Variants in MYCBP2 observed in about 807,000 individuals in gnomAD.
The protein encoded by MYCBP2 is E3 ubiquitin-protein ligase MYCBP2.
A neutral mutation model predicts 525.3 loss-of-function variants in MYCBP2; 120 were observed. The observed-to-expected ratio is 0.23, with a 90% CI of 0.20 to 0.27. MYCBP2 has a LOEUF of 0.27. Among genes scored for constraint, MYCBP2 ranks in the 10% least tolerant of loss-of-function variants. The probability of loss-of-function intolerance (pLI) is 1.00; values close to 1 mark genes in which losing one functional copy is unlikely to be tolerated. For synonymous variants in MYCBP2, 1,894 were observed against 1,955.8 expected, an observed-to-expected ratio of 0.97 and a Z score of 0.83; for missense variants, 4,149 against 5,657.1, an observed-to-expected ratio of 0.73 and a Z score of 8.55.
At chr13:77,068,425 T>C (rs2040560528) in intron 70 of MYCBP2, 140 bp downstream of exon 70, 2 of 920,834 alleles carry the variant, frequency 2.2e-6, no homozygotes, top group Non-Finnish European at 3.1e-6. Flanking sequence ...GGGAGTAAAA[T>C]ACAGGCCCCA....
chr13:77,130,655 T>C (rs1470611441), intron 52 of MYCBP2, among the ~76,000 whole-genome samples: 1 of 152,174 alleles, frequency 6.6e-6, no homozygotes, highest in African/African-American at 2.4e-5. Flanking sequence ...TGAAGTGCTA[T>C]GTTTTAGGGG....
At chr13:77,249,602 T>C (rs1246284662) in intron 15 of MYCBP2, among the ~76,000 whole-genome samples, 1 of 152,162 alleles carries the variant, frequency 6.6e-6, no homozygotes, top group Non-Finnish European at 1.5e-5. Flanking sequence ...GCTATGCTGC[T>C]GAAGCTGGTT....
chr13:77,161,993 A>C, intron 43 of MYCBP2, 38 bp from the exon 44 acceptor site: 2 of 1,387,122 alleles, frequency 1.4e-6, no homozygotes, highest in African/African-American at 2.9e-5. Context: ...AAATATGTCA[A>C]TATTTAGTTT....
chr13:77,174,249 T>C, intron 37 of MYCBP2, 62 bp downstream of exon 37: 4 of 1,526,306 alleles, frequency 2.6e-6, no homozygotes, highest in Non-Finnish European at 2.7e-6. Flanking sequence ...TTTTACCTGG[T>C]AGTAGACTGT....
chr13:77,105,595 T>C (rs2047726760), intron 55 of MYCBP2, among the ~76,000 whole-genome samples: 1 of 152,012 alleles, frequency 6.6e-6, no homozygotes, highest in Admixed American at 6.6e-5. Flanking sequence ...ATCTATGAGA[T>C]ACATTGATAT....
chr13:77,206,011 A>G (rs538043365), intron 24 of MYCBP2, among the ~76,000 whole-genome samples: 1 of 152,318 alleles, frequency 6.6e-6, no homozygotes, highest in African/African-American at 2.4e-5. Flanking sequence ...AGAAAAAAGA[A>G]ACAAAGAGTT....
intron 2 of MYCBP2, among the ~76,000 whole-genome samples, chr13:77,290,440 T>C (rs1276113083): frequency 6.6e-6 from 1 of 152,190 alleles, no homozygotes; most frequent in Non-Finnish European, 1.5e-5. Flanking sequence ...TCTTTTAAAA[T>C]AGTCAAAAGC....
chr13:77,265,700 C>T (rs1481669200), intron 8 of MYCBP2, among the ~76,000 whole-genome samples: 1 of 152,126 alleles, frequency 6.6e-6, no homozygotes, highest in African/African-American at 2.4e-5. Context: ...AGAGCTATTC[C>T]TACCCACGAA....
At chr13:77,278,690 G>A in intron 4 of MYCBP2, 68 bp downstream of exon 4, 3 of 1,258,906 alleles carry the variant, frequency 2.4e-6, no homozygotes, top group Admixed American at 6.8e-5. Context: ...CAATTTTGAA[G>A]TGTACAATAC....
chr13:77,059,382 T>TA, intron 77 of MYCBP2, 141 bp downstream of exon 77: 1 of 608,606 alleles, frequency 1.6e-6, no homozygotes, highest in Non-Finnish European at 2.9e-6. Flanking sequence ...TCAACTTTGG[T>TA]AAGGCATTTG....
chr13:77,176,647 A>C lies in MYCBP2; in HGVS notation c.5341-19T>G. On this transcript the variant is annotated intron_variant, in intron 35 of 82. Coordinates refer to ENST00000544440, the MANE Select transcript of MYCBP2 (RefSeq NM_015057.5). Reference sequence around the variant, plus strand: ...GTTCACTCTAAAAAAAAAAAATGAAACACAAAAATTCCAACAGACTCTTAA... The same window carrying C: ...GTTCACTCTAAAAAAAAAAAATGAACCACAAAAATTCCAACAGACTCTTAA... The C allele has an allele frequency of 6.7e-7, 1 of 1,489,046 alleles. No homozygotes were observed. The highest frequency in any genetic ancestry group is 9.0e-7 in the Non-Finnish European group (1 of 1,113,436). The allele number at this position is 1,489,046 out of a possible 1,614,324, so 92.2% of individuals were successfully genotyped here. A position where few individuals can be genotyped will look rare whatever the true frequency, so the allele number is the denominator to read the frequency against.
chr13:77,097,066 T>C (rs1361869748), intron 56 of MYCBP2, among the ~76,000 whole-genome samples: 3 of 152,176 alleles, frequency 2.0e-5, no homozygotes, highest in Admixed American at 6.6e-5. Context: ...CCTGTGTGTA[T>C]GGGCATGCCA....
Position 77,225,535 on chromosome 13 carries a change from G to T in MYCBP2, c.2757C>A (p.Gly919=). 6.2e-7 allele frequency: 1 copy of T among 1,613,336 alleles called. No homozygotes were observed. The highest frequency in any genetic ancestry group is 2.2e-5 in the East Asian group (1 of 44,880). ...DKHKDGSGER[G]EKDASKITTY... ...TTGTGATTTTGCTTGCATCCTTTTC[G>T]CCTCTTTCTCCACTTCCATCTGCAA... Residue 919 remains glycine (G), a synonymous_variant, in exon 19 of 83, where the codon GGC becomes GGA. Transcript: ENST00000544440.
At chr13:77,295,469 A>C (rs1455383874) in intron 2 of MYCBP2, among the ~76,000 whole-genome samples, 1 of 152,202 alleles carries the variant, frequency 6.6e-6, no homozygotes, top group Non-Finnish European at 1.5e-5. Context: ...TCTGTGTCTC[A>C]AGATAGAGCC....
intron 19 of MYCBP2, 118 bp from the exon 20 acceptor site, chr13:77,224,650 G>A: frequency 3.8e-6 from 2 of 529,088 alleles, no homozygotes; most frequent in Non-Finnish European, 6.6e-6. Flanking sequence ...ATTAAAAATA[G>A]GTAACTGAAG....
At chr13:77,251,093 G>C in intron 15 of MYCBP2, 58 bp downstream of exon 15, 5 of 1,533,542 alleles carry the variant, frequency 3.3e-6, no homozygotes, top group Non-Finnish European at 4.5e-6. Context: ...ACTCCGGAAT[G>C]ATTTTGCAAA....
At chr13:77,134,238 C>T (rs757477993) in intron 52 of MYCBP2, among the ~76,000 whole-genome samples, 1 of 152,032 alleles carries the variant, frequency 6.6e-6, no homozygotes, top group African/African-American at 2.4e-5. Context: ...TGTTCTCAGC[C>T]GGGTGCAGTG....
intron 3 of MYCBP2, among the ~76,000 whole-genome samples, chr13:77,284,139 T>C (rs76770405): frequency 6.6e-6 from 1 of 151,528 alleles, no homozygotes; most frequent in Non-Finnish European, 1.5e-5. Context: ...AATTTATTAG[T>C]AACTAAATAA....
chr13:77,286,038 G>A (rs2076722964), intron 3 of MYCBP2, among the ~76,000 whole-genome samples: 2 of 152,194 alleles, frequency 1.3e-5, no homozygotes. Context: ...GGCTGATCAA[G>A]AAGCTGAGTA....
Sources: gnomAD v4.1 joint callset for allele counts (sites outside exome capture counted in the v4.1 genomes callset) on GRCh38, gnomAD v4.1.1 for gene constraint, MANE v1.5 for transcripts, NCBI Gene and HGNC (gene_info 2026-07-23, HGNC 2026-07-21) for gene names.